GUCY1A2: variants seen among roughly 807,000 people sequenced by gnomAD.
The protein encoded by GUCY1A2 is guanylate cyclase soluble subunit alpha-2.
GUCY1A2 carries 27 observed loss-of-function variants against 63.5 expected under a neutral mutation model. The ratio of observed to expected loss-of-function variants is 0.43; its 90% CI spans 0.31 to 0.59. The LOEUF (loss-of-function observed/expected upper bound fraction) is 0.59. Among genes scored for constraint, GUCY1A2 ranks in the 20% least tolerant of loss-of-function variants. GUCY1A2 has a pLI of 0.11. For missense variants in GUCY1A2, 768 were observed against 913.3 expected, an observed-to-expected ratio of 0.84 and a Z score of 2.05; for synonymous variants, 364 against 343.5, an observed-to-expected ratio of 1.06 and a Z score of -0.66.
chr11:106,909,465 G>T (rs1359528720), intron 4 of GUCY1A2, among the ~76,000 whole-genome samples: 1 of 149,478 alleles, frequency 6.7e-6, no homozygotes, highest in African/African-American at 2.5e-5. Flanking sequence ...AGACAGAAAA[G>T]TTCCCTTACC....
At chr11:106,814,508 A>G (rs1402868025) in intron 4 of GUCY1A2, among the ~76,000 whole-genome samples, 1 of 152,058 alleles carries the variant, frequency 6.6e-6, no homozygotes, top group East Asian at 1.9e-4. Context: ...AAGAAATTGT[A>G]TGGCTAGAGT....
rs1181581865 is a variant in GUCY1A2, at chr11:106,681,096, C to T, written c.*6453G>A. 1 of 209,262 alleles carries T rather than the reference C, an allele frequency of 4.8e-6. No homozygotes were observed. Among genetic ancestry groups the T allele is most frequent in the Non-Finnish European group, 9.7e-6 (1 of 102,836 alleles). The allele number at this position is 209,262 out of a possible 1,614,324, so 13.0% of individuals were successfully genotyped here. On this transcript the variant is annotated 3_prime_UTR_variant, in exon 8 of 8. Coordinates refer to ENST00000526355, the MANE Select transcript of GUCY1A2 (RefSeq NM_000855.3). The stretch of plus-strand genomic sequence containing the variant: ...AAGTAGACTAAAAACATGATTTTTT[C>T]ATTTCGAAATCTGAAAGCTTTAGTG...
At chr11:106,691,619 T>G (rs1214054743) in intron 7 of GUCY1A2, among the ~76,000 whole-genome samples, 1 of 152,210 alleles carries the variant, frequency 6.6e-6, no homozygotes, top group African/African-American at 2.4e-5. Flanking sequence ...ATGTCAGAAC[T>G]TTTAAATAAT....
chr11:106,715,714 T>G (rs1026771640), intron 6 of GUCY1A2, among the ~76,000 whole-genome samples: 3 of 152,232 alleles, frequency 2.0e-5, no homozygotes, highest in African/African-American at 4.8e-5. Flanking sequence ...CTCCCTAAAC[T>G]GCTTGCTGCA....
chr11:106,822,831 A>G (rs980741342), intron 4 of GUCY1A2, among the ~76,000 whole-genome samples: 1 of 152,208 alleles, frequency 6.6e-6, no homozygotes, highest in Admixed American at 6.5e-5. Context: ...AAAAAAAGAC[A>G]TTTGAATATC....
At chr11:106,695,865 T>A (rs939535964) in intron 7 of GUCY1A2, among the ~76,000 whole-genome samples, 6 of 152,200 alleles carry the variant, frequency 3.9e-5, no homozygotes, top group African/African-American at 1.4e-4. Context: ...GGTAATTTTA[T>A]AATTTGAGGC....
intron 4 of GUCY1A2, among the ~76,000 whole-genome samples, chr11:106,866,279 A>G (rs561235123): frequency 6.6e-6 from 1 of 152,090 alleles, no homozygotes; most frequent in Non-Finnish European, 1.5e-5. Flanking sequence ...GGAGGACAGG[A>G]GGAAGAAAAG....
intron 3 of GUCY1A2, among the ~76,000 whole-genome samples, chr11:106,950,645 C>A (rs1860893901): frequency 6.6e-6 from 1 of 152,148 alleles, no homozygotes; most frequent in Admixed American, 6.5e-5. Context: ...CTGATGATGA[C>A]TAGCCCTGTT....
Position 106,686,846 on chromosome 11 carries a change from T to C in GUCY1A2, c.*703A>G, listed in dbSNP as rs961075376. 2 of 195,880 alleles carry C rather than the reference T, an allele frequency of 1.0e-5. No individual in the cohort carries two copies. The highest frequency in any genetic ancestry group is 2.1e-5 in the Non-Finnish European group (2 of 94,344). The allele number at this position is 195,880 out of a possible 1,614,324, so 12.1% of individuals were successfully genotyped here. Reference sequence around the variant, plus strand: ...AGACATATAATGCTTTCTTGGTATCTGAAATCCTTGGTTATATGTATTCTC... The same window carrying C: ...AGACATATAATGCTTTCTTGGTATCCGAAATCCTTGGTTATATGTATTCTC... On this transcript the variant is annotated 3_prime_UTR_variant, in exon 8 of 8. Coordinates refer to ENST00000526355, the MANE Select transcript of GUCY1A2 (RefSeq NM_000855.3).
At chr11:106,795,855 C>G (rs1018652288) in intron 5 of GUCY1A2, among the ~76,000 whole-genome samples, 4 of 152,176 alleles carry the variant, frequency 2.6e-5, no homozygotes, top group African/African-American at 9.6e-5. Context: ...ATAGCTCCAA[C>G]ACTAAGAATT....
chr11:106,939,957 G>T lies in GUCY1A2; in HGVS notation c.709C>A (p.Leu237Ile), dbSNP rs1253784921. Residue 237 changes from leucine to isoleucine, a missense_variant, in exon 4 of 8, where the codon CTC becomes ATC. Leu to Ile is a conservative substitution (Grantham distance 5, BLOSUM62 2). Around this residue, in one of 3 missense-constraint regions of GUCY1A2, gnomAD observed 496 missense variants for 486.9 expected, o/e 1.02. Coordinates refer to ENST00000526355, the MANE Select transcript of GUCY1A2 (RefSeq NM_000855.3). ...ATATGGTGAGGGTGGAAGTAGTGGA[G>T]CATGAGAGTACCTTCAGGGAGCTCT... ...CKELPEGTLM[L>I]HYFHPHHIVG... 6.2e-7 allele frequency: 1 copy of T among 1,613,856 alleles called. No homozygotes were observed. The highest frequency in any genetic ancestry group is 1.6e-4 in the Middle Eastern group (1 of 6,062).
rs546000635 is a variant in GUCY1A2, at chr11:106,753,944, GCAGTATGGA to G, written c.1836+22486_1836+22494del. On this transcript the variant is annotated intron_variant, in intron 6 of 7. Coordinates refer to ENST00000526355, the MANE Select transcript of GUCY1A2 (RefSeq NM_000855.3). ...ACATTGAATCTATGAATTACTTTGG[GCAGTATGGA>G]CATTTTCACGATATTGATTCTTCCT... Among the ~76,000 whole-genome samples, 47 of 152,270 alleles carry G rather than the reference GCAGTATGGA, an allele frequency of 3.1e-4. 3 individuals carry two copies. The South Asian group carries it at 8.9e-3, about 29-fold the overall frequency.
chr11:106,995,294 G>C (rs999611212), intron 1 of GUCY1A2, among the ~76,000 whole-genome samples: 8 of 152,200 alleles, frequency 5.3e-5, no homozygotes, highest in African/African-American at 9.6e-5. Context: ...AGAGTCAGAA[G>C]TATTACCCCG....
chr11:106,987,463 C>T lies in GUCY1A2; in HGVS notation c.304-1332G>A, dbSNP rs544001762. Among the ~76,000 whole-genome samples the T allele has an allele frequency of 2.0e-5, 3 of 152,220 alleles. No homozygotes were observed. In the South Asian group the frequency reaches 6.2e-4, roughly 32 times the overall value. ...GTCAGGAGTTCAAGACCATCCTTGC[C>T]AAATTGGTGAAACCCTGTCTCTACT... On this transcript the variant is annotated intron_variant, in intron 1 of 7. Transcript: ENST00000526355.
rs951507944 is a variant in GUCY1A2 at position 106,939,662 on chromosome 11, G to A, written c.1004C>T (p.Pro335Leu). 6.2e-7 allele frequency: 1 copy of A among 1,613,808 alleles called. No homozygotes were observed. Residue 335 changes from proline (P) to leucine (L), a missense_variant, in exon 4 of 8, where the codon CCC becomes CTC. Pro to Leu is a moderately conservative substitution (Grantham distance 98, BLOSUM62 -3). Around this residue, in one of 3 missense-constraint regions of GUCY1A2, gnomAD observed 496 missense variants for 486.9 expected, o/e 1.02. Transcript: ENST00000526355. ...RAFPFHLMFDPSMSVLQLGEG... is the reference protein window; with the variant it reads ...RAFPFHLMFDLSMSVLQLGEG... ...CCCCAACTGAAGGACTGACATGCTG[G>A]GATCAAACATCAAGTGGAAAGGGAA... is the stretch of plus-strand genomic sequence containing the variant.
At chr11:106,869,345 T>C (rs984604026) in intron 4 of GUCY1A2, among the ~76,000 whole-genome samples, 1 of 152,196 alleles carries the variant, frequency 6.6e-6, no homozygotes. Context: ...GAGAACATTT[T>C]TGCAATCTGC....
chr11:106,965,326 T>C (rs1363516137), intron 3 of GUCY1A2, among the ~76,000 whole-genome samples: 2 of 152,190 alleles, frequency 1.3e-5, no homozygotes, highest in African/African-American at 4.8e-5. Flanking sequence ...TTATAGACTT[T>C]AGCAAGGTAC....
At chr11:106,828,200 TAA>T (rs1261633704) in intron 4 of GUCY1A2, among the ~76,000 whole-genome samples, 1 of 152,220 alleles carries the variant, frequency 6.6e-6, no homozygotes, top group Admixed American at 6.5e-5. Flanking sequence ...TTTAGTTTGA[TAA>T]AGTCACATTT....
intron 7 of GUCY1A2, among the ~76,000 whole-genome samples, chr11:106,703,434 A>G (rs1190819174): frequency 6.6e-6 from 1 of 152,208 alleles, no homozygotes; most frequent in Non-Finnish European, 1.5e-5. Flanking sequence ...ATCACAAAAG[A>G]GTCCTTAAAA....
Sources: allele counts gnomAD v4.1 joint callset (sites outside exome capture counted in the v4.1 genomes callset), GRCh38; gene constraint gnomAD v4.1.1; regional missense constraint gnomAD v4.1.1; transcripts MANE v1.5; gene names NCBI Gene and HGNC (gene_info 2026-07-23, HGNC 2026-07-21).